The following ST18 variants were observed in gnomAD, a reference collection of about 807,000 sequenced individuals.
ST18 encodes the protein suppression of tumorigenicity 18 protein.
Under a neutral mutation model 110.0 loss-of-function variants are expected in ST18, and 50 were observed. The ratio of observed to expected loss-of-function variants is 0.45; its 90% CI spans 0.36 to 0.58. The LOEUF is 0.58. Among genes scored for constraint, ST18 ranks in the 20% least tolerant of loss-of-function variants. The probability of loss-of-function intolerance (pLI) is 0.00; values close to 1 mark genes in which losing one functional copy is unlikely to be tolerated. For synonymous variants in ST18, 461 were observed against 452.4 expected, an observed-to-expected ratio of 1.02 and a Z score of -0.24; for missense variants, 1,306 against 1,280.1, an observed-to-expected ratio of 1.02 and a Z score of -0.31.
At position 52,214,270 on chromosome 8, in the gene ST18, C is replaced by T; in HGVS notation, c.1-13G>A. On this transcript the variant is annotated splice_polypyrimidine_tract_variant and intron_variant, in intron 6 of 25. Coordinates refer to ENST00000689386, the MANE Select transcript of ST18 (RefSeq NM_001352837.2). The stretch of plus-strand genomic sequence containing the variant: ...CCTCTGCATCCATCTATAACATGAA[C>T]ACAAAGTCCTGAGGTCATTCCTTTG... The T allele has an allele frequency of 6.2e-7, 1 of 1,613,722 alleles. No individual in the cohort carries two copies. Among genetic ancestry groups the T allele is most frequent in the South Asian group, 1.1e-5 (1 of 91,062 alleles).
intron 23 of ST18, among the ~76,000 whole-genome samples, chr8:52,121,582 A>G (rs545043410): frequency 3.9e-5 from 6 of 152,206 alleles, no homozygotes; most frequent in Non-Finnish European, 8.8e-5. Context: ...ACCATGAGGT[A>G]GAAACATTTA....
intron 2 of ST18, among the ~76,000 whole-genome samples, chr8:52,325,377 G>A (rs1805847418): frequency 6.6e-6 from 1 of 152,120 alleles, no homozygotes; most frequent in Admixed American, 6.6e-5. Context: ...TCTCTACTAA[G>A]AAATCTGTAA....
At chr8:52,367,959 T>C (rs945765525) in intron 2 of ST18, among the ~76,000 whole-genome samples, 2 of 152,228 alleles carry the variant, frequency 1.3e-5, no homozygotes, top group African/African-American at 4.8e-5. Context: ...GGACAAGGTA[T>C]CTGAGCTAGT....
In ST18 at chr8:52,114,918, G is replaced by A. The variant is rs2041998351; in HGVS notation, c.3003+1357C>T. On this transcript the variant is annotated intron_variant, in intron 25 of 25. Coordinates refer to ENST00000689386, the MANE Select transcript of ST18 (RefSeq NM_001352837.2). ...GTATACAAGGCACAGGTTAACTTGTGTGGTACCTGTTTTTTATGGCAGTGG... is the reference window on the plus strand; with the variant it reads ...GTATACAAGGCACAGGTTAACTTGTATGGTACCTGTTTTTTATGGCAGTGG... 3.3e-5 allele frequency among the ~76,000 whole-genome samples: 5 copies of A among 152,326 alleles called. No homozygotes were observed. In the South Asian group the frequency reaches 1.0e-3, roughly 32 times the overall value.
At chr8:52,288,222 G>A (rs898490911) in intron 2 of ST18, among the ~76,000 whole-genome samples, 5 of 152,264 alleles carry the variant, frequency 3.3e-5, no homozygotes, top group Middle Eastern at 3.4e-3. Flanking sequence ...AGCCACTCAC[G>A]TCCACTGTGA....
At chr8:52,397,547 G>A (rs1166478892) in intron 2 of ST18, among the ~76,000 whole-genome samples, 1 of 152,120 alleles carries the variant, frequency 6.6e-6, no homozygotes, top group Non-Finnish European at 1.5e-5. Flanking sequence ...ATGTCAAGCA[G>A]CTTTTCCCCT....
At chr8:52,323,098 T>G (rs1343997166) in intron 2 of ST18, among the ~76,000 whole-genome samples, 1 of 152,184 alleles carries the variant, frequency 6.6e-6, no homozygotes, top group Non-Finnish European at 1.5e-5. Flanking sequence ...TCATTCTACA[T>G]AATGGCTATG....
Position 52,370,150 on chromosome 8 carries a change from T to C in ST18, c.-465+39178A>G, listed in dbSNP as rs567897646. Among the ~76,000 whole-genome samples the C allele has an allele frequency of 3.3e-5, 5 of 152,280 alleles. No individual in the cohort carries two copies. The South Asian group carries it at 8.3e-4, about 25-fold the overall frequency. ...ATAGAAGCACCACTTTGGTTTTGCA[T>C]TGGGGATTGTTGTAAGAGATGACAA... is the stretch of plus-strand genomic sequence containing the variant. On this transcript the variant is annotated intron_variant, in intron 2 of 25. Coordinates refer to ENST00000689386, the MANE Select transcript of ST18 (RefSeq NM_001352837.2).
rs1564568683 is a variant in ST18 at position 52,357,716 on chromosome 8, TA to T, written c.-465+51611del. ...ATATATATATATATATATATATATA[TA>T]TATATATATATATAAAACAGACTCA... On this transcript the variant is annotated intron_variant, in intron 2 of 25. Coordinates refer to ENST00000689386, the MANE Select transcript of ST18 (RefSeq NM_001352837.2). Among the ~76,000 whole-genome samples the T allele has an allele frequency of 7.0e-3, 478 of 68,004 alleles. 8 individuals carry two copies. The highest frequency in any genetic ancestry group is 0.044 in the African/African-American group (452 of 10,214). 44.6% of individuals were successfully genotyped at this position (68,004 alleles called of 152,430 possible). A position where few individuals can be genotyped will look rare whatever the true frequency, so the allele number is the denominator to read the frequency against.
intron 2 of ST18, among the ~76,000 whole-genome samples, chr8:52,352,244 G>A (rs895425399): frequency 6.6e-6 from 1 of 152,142 alleles, no homozygotes; most frequent in African/African-American, 2.4e-5. Flanking sequence ...TGGAGATAAA[G>A]TCAGCCTAGA....
chr8:52,300,209 C>T (rs554979528), intron 2 of ST18, among the ~76,000 whole-genome samples: 7 of 152,270 alleles, frequency 4.6e-5, no homozygotes, highest in South Asian at 2.1e-4. Context: ...CTGCCAAACA[C>T]GGAATTGCTT....
rs1361473011 is a variant in ST18 at position 52,280,157 on chromosome 8, TA to T, written c.-464-50081del. Among the ~76,000 whole-genome samples the T allele has an allele frequency of 7.2e-5, 11 of 151,982 alleles. No homozygotes were observed. The East Asian group carries it at 1.7e-3, about 24-fold the overall frequency. ...TGTGAAAATTTGTAGGAATAACCGCTAAAAAAATGAAGTATTGAATAAAAAT... is the reference window on the plus strand; with the variant it reads ...TGTGAAAATTTGTAGGAATAACCGCTAAAAAATGAAGTATTGAATAAAAAT... On this transcript the variant is annotated intron_variant, in intron 2 of 25. Transcript: ENST00000689386.
intron 2 of ST18, among the ~76,000 whole-genome samples, chr8:52,321,594 A>G (rs1207302941): frequency 6.6e-6 from 1 of 152,202 alleles, no homozygotes; most frequent in African/African-American, 2.4e-5. Context: ...TGAAAGGAGA[A>G]CAGCCCGTTG....
At chr8:52,276,001 G>T (rs536583209) in intron 2 of ST18, among the ~76,000 whole-genome samples, 31 of 41,526 alleles carry the variant, frequency 7.5e-4, no homozygotes, top group Non-Finnish European at 1.3e-3. Flanking sequence ...CATACATACA[G>T]ACCATACGTA....
chr8:52,369,401 C>A (rs1208632010), intron 2 of ST18, among the ~76,000 whole-genome samples: 1 of 152,160 alleles, frequency 6.6e-6, no homozygotes, highest in East Asian at 1.9e-4. Context: ...CTCCTTCCTG[C>A]TGACTGGATT....
At chr8:52,226,800 CT>C (rs1196608787) in intron 3 of ST18, among the ~76,000 whole-genome samples, 1 of 152,068 alleles carries the variant, frequency 6.6e-6, no homozygotes, top group Non-Finnish European at 1.5e-5. Context: ...ACAAATAAAG[CT>C]TTTTATTATG....
chr8:52,141,905 G>C (rs1396811859), intron 17 of ST18, among the ~76,000 whole-genome samples: 1 of 152,208 alleles, frequency 6.6e-6, no homozygotes, highest in Non-Finnish European at 1.5e-5. Context: ...ATAGCAGGAA[G>C]AAAGGGTCCC....
At chr8:52,195,629 T>C (rs1240918231) in intron 8 of ST18, among the ~76,000 whole-genome samples, 1 of 152,176 alleles carries the variant, frequency 6.6e-6, no homozygotes, top group Non-Finnish European at 1.5e-5. Context: ...TCTTAATTGA[T>C]CTTGGATAAG....
chr8:52,208,677 T>C (rs868524565), intron 8 of ST18, among the ~76,000 whole-genome samples: 4 of 152,090 alleles, frequency 2.6e-5, no homozygotes, highest in African/African-American at 9.7e-5. Context: ...ATACAAAAAA[T>C]TAGCCGGGCG....
Sources: gnomAD v4.1 joint callset for allele counts (sites outside exome capture counted in the v4.1 genomes callset) on GRCh38, gnomAD v4.1.1 for gene constraint, MANE v1.5 for transcripts, NCBI Gene and HGNC (gene_info 2026-07-23, HGNC 2026-07-21) for gene names.